MED12L: variants seen among roughly 807,000 people sequenced by gnomAD.
MED12L encodes the protein mediator complex subunit 12L.
In MED12L, 60 loss-of-function variants were observed where a neutral mutation model predicts 281.3. The ratio of observed to expected loss-of-function variants is 0.21; its 90% CI spans 0.17 to 0.26. The LOEUF is 0.26. MED12L is among the 10% of genes least tolerant of loss of function. MED12L has a pLI of 1.00. For missense variants in MED12L, 2,146 were observed against 2,680.9 expected (o/e 0.80, Z 4.41); for synonymous variants, 974 against 987.2 (o/e 0.99, Z 0.25).
intron 16 of MED12L, among the ~76,000 whole-genome samples, chr3:151,283,305 G>T (rs1743052695): frequency 1.3e-5 from 2 of 152,162 alleles, no homozygotes; most frequent in South Asian, 2.1e-4. Flanking sequence ...CATTAGATTG[G>T]GTTTAAATCT....
At chr3:151,294,069 G>T (rs552034341) in intron 16 of MED12L, 2 of 760,498 alleles carry the variant, frequency 2.6e-6, no homozygotes, top group Non-Finnish European at 4.4e-6. Context: ...TATCATTTTA[G>T]TTCTTTGAAT....
intron 16 of MED12L, among the ~76,000 whole-genome samples, chr3:151,263,977 C>T (rs186738399): frequency 6.6e-6 from 1 of 152,220 alleles, no homozygotes; most frequent in Non-Finnish European, 1.5e-5. Flanking sequence ...AGATCTCTTA[C>T]CACCACTCCT....
intron 16 of MED12L, among the ~76,000 whole-genome samples, chr3:151,254,918 G>T (rs1213467031): frequency 4.6e-5 from 7 of 152,210 alleles, no homozygotes; most frequent in Admixed American, 4.6e-4. Context: ...TGTCGGAATA[G>T]TTGAGACTTG....
chr3:151,090,712 A>G (rs1719911605), intron 2 of MED12L, among the ~76,000 whole-genome samples: 1 of 152,210 alleles, frequency 6.6e-6, no homozygotes, highest in Non-Finnish European at 1.5e-5. Context: ...CTCCAGAAGT[A>G]GGAAGGAAGA....
chr3:151,238,985 C>T (rs1733507567), intron 16 of MED12L, among the ~76,000 whole-genome samples: 1 of 152,080 alleles, frequency 6.6e-6, no homozygotes, highest in African/African-American at 2.4e-5. Flanking sequence ...AACTGAGAGA[C>T]AATTTTTGAC....
intron 16 of MED12L, among the ~76,000 whole-genome samples, chr3:151,281,435 G>T (rs1742796854): frequency 6.6e-6 from 1 of 151,454 alleles, no homozygotes; most frequent in South Asian, 2.1e-4. Flanking sequence ...AAAATAAAAA[G>T]ATATTTTATT....
intron 39 of MED12L, among the ~76,000 whole-genome samples, chr3:151,403,260 T>C (rs1407618579): frequency 6.6e-6 from 1 of 152,176 alleles, no homozygotes; most frequent in Non-Finnish European, 1.5e-5. Context: ...ATCTATGGTA[T>C]AGAAACCAAT....
chr3:151,218,720 A>C (rs1399288480), intron 16 of MED12L, among the ~76,000 whole-genome samples: 1 of 151,852 alleles, frequency 6.6e-6, no homozygotes, highest in Non-Finnish European at 1.5e-5. Flanking sequence ...TAAAAAAATT[A>C]GCCAGGTGTG....
chr3:151,309,154 C>A (rs1280633649), intron 16 of MED12L, among the ~76,000 whole-genome samples: 1 of 151,624 alleles, frequency 6.6e-6, no homozygotes, highest in African/African-American at 2.4e-5. Context: ...CACACACACA[C>A]ACACAACGTT....
At chr3:151,097,310 A>G (rs748404049) in intron 2 of MED12L, among the ~76,000 whole-genome samples, 2 of 152,226 alleles carry the variant, frequency 1.3e-5, no homozygotes, top group African/African-American at 2.4e-5. Flanking sequence ...AAGAGGAGAA[A>G]AATATTAGCC....
In MED12L at chr3:151,095,462, C is replaced by T. The variant is rs190488780; in HGVS notation, c.99+8437C>T. Among the ~76,000 whole-genome samples, 24 of 152,286 alleles carry T rather than the reference C, an allele frequency of 1.6e-4. 1 individual carries two copies. The highest frequency in any genetic ancestry group is 1.4e-3 in the East Asian group (7 of 5,184). On this transcript the variant is annotated intron_variant, in intron 2 of 44. Transcript: ENST00000687756. Reference sequence around the variant, plus strand: ...AAGCTATTCTCCTGCCTCAGCCCCCCGAGTAACTGGGATTACAAGCGCATG... The same window carrying T: ...AAGCTATTCTCCTGCCTCAGCCCCCTGAGTAACTGGGATTACAAGCGCATG...
intron 16 of MED12L, among the ~76,000 whole-genome samples, chr3:151,299,712 G>A (rs1281622799): frequency 6.6e-6 from 1 of 151,830 alleles, no homozygotes; most frequent in Non-Finnish European, 1.5e-5. Flanking sequence ...TGTTATCTCT[G>A]GCCTCTTGGG....
At chr3:151,126,196 G>A (rs868804419) in intron 4 of MED12L, among the ~76,000 whole-genome samples, 43 of 151,972 alleles carry the variant, frequency 2.8e-4, no homozygotes, top group African/African-American at 9.6e-4. Flanking sequence ...CCACAGGTGT[G>A]TGCCACCACA....
rs543011867 is a variant in MED12L at position 151,359,689 on chromosome 3, T to C, written c.2826-785T>C. ...AATAAGGATGGTGAATCAGATAGTT[T>C]CTAAAGCTTTTTTCGTCTTTAATAA... On this transcript the variant is annotated intron_variant, in intron 20 of 44. Transcript: ENST00000687756. 9.2e-5 allele frequency among the ~76,000 whole-genome samples: 14 copies of C among 152,288 alleles called. No homozygotes were observed. In the South Asian group the frequency reaches 2.9e-3, roughly 32 times the overall value.
At chr3:151,365,808 T>G in intron 22 of MED12L, 42 bp from the exon 23 acceptor site, 1 of 1,527,690 alleles carries the variant, frequency 6.5e-7, no homozygotes, top group Non-Finnish European at 8.8e-7. Flanking sequence ...GTATTTCTCT[T>G]TTGTACAAGG....
intron 3 of MED12L, among the ~76,000 whole-genome samples, chr3:151,118,162 T>A (rs1042013044): frequency 3.8e-4 from 58 of 152,058 alleles, no homozygotes; most frequent in African/African-American, 1.1e-3. Context: ...GGGTTTTTTT[T>A]ATATATATAT....
rs1263032925 is a variant in MED12L at position 151,352,215 on chromosome 3, T to G, written c.2398+2009T>G. Among the ~76,000 whole-genome samples, 4 of 152,226 alleles carry G rather than the reference T, an allele frequency of 2.6e-5. No homozygotes were observed. The East Asian group carries it at 5.8e-4, about 22-fold the overall frequency. On this transcript the variant is annotated intron_variant, in intron 17 of 44. Coordinates refer to ENST00000687756, the MANE Select transcript of MED12L (RefSeq NM_001393769.1). Reference sequence around the variant, plus strand: ...TCTACATTTTGACTGTGACCTGTTATGTGAGATCAAGTGTGGAATTTTCTA... The same window carrying G: ...TCTACATTTTGACTGTGACCTGTTAGGTGAGATCAAGTGTGGAATTTTCTA...
At chr3:151,104,171 G>T (rs548961616) in intron 2 of MED12L, among the ~76,000 whole-genome samples, 1 of 152,106 alleles carries the variant, frequency 6.6e-6, no homozygotes, top group Non-Finnish European at 1.5e-5. Flanking sequence ...TATAGGTGAC[G>T]GTGGATGTAA....
At chr3:151,106,315 TCCCC>T (rs1560051186) in intron 2 of MED12L, among the ~76,000 whole-genome samples, 3,321 of 48,768 alleles carry the variant, frequency 0.068, 364 homozygotes, top group African/African-American at 0.27. Flanking sequence ...CCTTCTCCCC[TCCCC>T]TCCCCTCCCC....
Sources: gnomAD v4.1 joint callset for allele counts (sites outside exome capture counted in the v4.1 genomes callset) on GRCh38, gnomAD v4.1.1 for gene constraint, MANE v1.5 for transcripts, NCBI Gene and HGNC (gene_info 2026-07-23, HGNC 2026-07-21) for gene names.